COL28A1: variants seen among roughly 807,000 people sequenced by gnomAD.
COL28A1 encodes the protein collagen alpha-1(XXVIII) chain.
A neutral mutation model predicts 150.2 loss-of-function variants in COL28A1; 161 were observed. That is an observed-to-expected ratio of 1.07 (90% CI 0.94 to 1.22). The LOEUF is 1.22. Ranked by LOEUF, COL28A1 falls within the 50% of genes most tolerant of loss-of-function variation. The probability of loss-of-function intolerance (pLI) is 0.00; values close to 1 mark genes in which losing one functional copy is unlikely to be tolerated. For synonymous variants in COL28A1, 552 were observed against 469.7 expected, an observed-to-expected ratio of 1.18 and a Z score of -2.26; for missense variants, 1,617 against 1,388.3, an observed-to-expected ratio of 1.16 and a Z score of -2.62.
chr7:7,518,004 T>C (rs1201992526), intron 6 of COL28A1, among the ~76,000 whole-genome samples, 167 bp from the exon 7 acceptor site: 2 of 141,170 alleles, frequency 1.4e-5, no homozygotes, highest in African/African-American at 2.6e-5. Flanking sequence ...AAAAAAAAAA[T>C]AGCAACTCAG....
downstream of COL28A1, among the ~76,000 whole-genome samples, chr7:7,354,612 G>A (rs11972168): frequency 0.1 from 15,626 of 151,864 alleles, 2,739 homozygotes; most frequent in African/African-American, 0.36. Flanking sequence ...ATTCTCTTCT[G>A]CAACTATTGA....
intron 21 of COL28A1, 39 bp from the exon 22 acceptor site, chr7:7,437,501 G>T: frequency 6.2e-7 from 1 of 1,600,888 alleles, no homozygotes; most frequent in African/African-American, 1.3e-5. Flanking sequence ...TTCAAGCAGA[G>T]AAAGCACATA....
intron 4 of COL28A1, among the ~76,000 whole-genome samples, chr7:7,522,996 T>C (rs1781819767): frequency 6.6e-6 from 1 of 152,036 alleles, no homozygotes; most frequent in Non-Finnish European, 1.5e-5. Context: ...CCAAGTTATT[T>C]TGCTTACATA....
intron 4 of COL28A1, among the ~76,000 whole-genome samples, chr7:7,522,601 C>T (rs1174982794): frequency 6.6e-6 from 1 of 152,030 alleles, no homozygotes; most frequent in Non-Finnish European, 1.5e-5. Context: ...CCAGAACATA[C>T]TTAAGAAATG....
intron 13 of COL28A1, among the ~76,000 whole-genome samples, chr7:7,480,510 C>T (rs1003064844): frequency 1.4e-4 from 22 of 151,832 alleles, no homozygotes; most frequent in Non-Finnish European, 2.9e-4. Context: ...AGATTGCAAA[C>T]TAAACCAAAA....
At position 7,392,750 on chromosome 7, in the gene COL28A1, T is replaced by C. The variant is rs201776092; in HGVS notation, c.2137-11138A>G. ...GATCTTCAATCTCTGATATCCTTTCTTCCACTTGATTGATTTGGCTATTGA... is the reference window on the plus strand; with the variant it reads ...GATCTTCAATCTCTGATATCCTTTCCTCCACTTGATTGATTTGGCTATTGA... On this transcript the variant is annotated intron_variant, in intron 27 of 34. Coordinates refer to ENST00000399429, the MANE Select transcript of COL28A1 (RefSeq NM_001037763.3). Among the ~76,000 whole-genome samples the C allele has an allele frequency of 1.2e-4, 18 of 152,318 alleles. No homozygotes were observed. The East Asian group carries it at 3.5e-3, about 29-fold the overall frequency.
chr7:7,449,189 T>C (rs77665547), intron 18 of COL28A1, among the ~76,000 whole-genome samples: 1 of 152,024 alleles, frequency 6.6e-6, no homozygotes, highest in African/African-American at 2.4e-5. Flanking sequence ...AGTTGAATGA[T>C]CATCATAAAA....
At chr7:7,484,812 G>C (rs542306237) in intron 13 of COL28A1, among the ~76,000 whole-genome samples, 9 of 152,284 alleles carry the variant, frequency 5.9e-5, no homozygotes, top group African/African-American at 2.2e-4. Flanking sequence ...AAGAAAGAAT[G>C]AGATCATGTC....
chr7:7,408,247 T>C (rs1221940060), intron 27 of COL28A1, among the ~76,000 whole-genome samples: 1 of 152,132 alleles, frequency 6.6e-6, no homozygotes, highest in African/African-American at 2.4e-5. Flanking sequence ...GACAAATTGC[T>C]CTGGGGCTAA....
At chr7:7,395,790 T>C (rs1436940768) in intron 27 of COL28A1, among the ~76,000 whole-genome samples, 3 of 152,192 alleles carry the variant, frequency 2.0e-5, no homozygotes. Flanking sequence ...CCAGAATAAA[T>C]AATTTTACCA....
chr7:7,444,527 A>C (rs1281718943), intron 18 of COL28A1, 38 bp from the exon 19 acceptor site: 1 of 1,597,640 alleles, frequency 6.3e-7, no homozygotes, highest in Non-Finnish European at 8.6e-7. Flanking sequence ...CCTAAAGTTC[A>C]TACCTCCATT....
At chr7:7,378,647 T>C (rs1386895184) in intron 30 of COL28A1, among the ~76,000 whole-genome samples, 6 of 152,080 alleles carry the variant, frequency 3.9e-5, no homozygotes, top group Non-Finnish European at 7.4e-5. Context: ...GAGAACAGCT[T>C]TCATGGGGGA....
chr7:7,343,623 T>C, the COL28A1 span, among the ~76,000 whole-genome samples: 13 of 152,242 alleles, frequency 8.5e-5, 1 homozygote, highest in African/African-American at 1.2e-4. Context: ...TATATGTGAG[T>C]ACGTCCATTC....
At chr7:7,359,290 C>A (rs1220600125) in intron 34 of COL28A1, among the ~76,000 whole-genome samples, 16 of 144,952 alleles carry the variant, frequency 1.1e-4, no homozygotes, top group African/African-American at 1.0e-4. Context: ...CTTTAAGTTA[C>A]AAAAAAAAAA....
intron 3 of COL28A1, among the ~76,000 whole-genome samples, chr7:7,527,738 A>G (rs1782110709): frequency 6.6e-6 from 1 of 152,216 alleles, no homozygotes; most frequent in Non-Finnish European, 1.5e-5. Flanking sequence ...TATATATGGC[A>G]TATATTCACA....
At chr7:7,410,638 CT>C (rs960616152) in intron 27 of COL28A1, among the ~76,000 whole-genome samples, 5 of 137,762 alleles carry the variant, frequency 3.6e-5, no homozygotes, top group African/African-American at 1.4e-4. Flanking sequence ...TTGGTTTTGT[CT>C]TCCTTTTTTT....
In COL28A1 at chr7:7,436,410, A is replaced by G. The variant is rs1201909029; in HGVS notation, c.1845T>C (p.Ser615=). 1.4e-6 allele frequency: 2 copies of G among 1,398,922 alleles called. No individual in the cohort carries two copies. The highest frequency in any genetic ancestry group is 1.7e-5 in the Admixed American group (1 of 59,758). The allele number at this position is 1,398,922 out of a possible 1,614,324, so 86.7% of individuals were successfully genotyped here. Residue 615 remains serine (S), a synonymous_variant, in exon 23 of 35, where the codon TCT becomes TCC. Coordinates refer to ENST00000399429, the MANE Select transcript of COL28A1 (RefSeq NM_001037763.3). The stretch of plus-strand genomic sequence containing the variant: ...TAAAGCATACCTTTGGTCCTCGAAT[A>G]GAAAGTCCAGGTTCTCCCTTAAATC... ...IPGFKGEPGL[S]IRGPKGVQGP...
At chr7:7,523,072 CTT>C (rs1781826513) in intron 4 of COL28A1, among the ~76,000 whole-genome samples, 1 of 151,908 alleles carries the variant, frequency 6.6e-6, no homozygotes, top group Non-Finnish European at 1.5e-5. Flanking sequence ...TGTCTAAAAA[CTT>C]ATTTCCACAG....
At chr7:7,393,379 T>A (rs1483433789) in intron 27 of COL28A1, among the ~76,000 whole-genome samples, 1 of 152,182 alleles carries the variant, frequency 6.6e-6, no homozygotes, top group Non-Finnish European at 1.5e-5. Context: ...AGAGCTCTCC[T>A]GTATGAGATG....
Sources: allele counts gnomAD v4.1 joint callset (sites outside exome capture counted in the v4.1 genomes callset), GRCh38; gene constraint gnomAD v4.1.1; transcripts MANE v1.5; gene names NCBI Gene and HGNC (gene_info 2026-07-23, HGNC 2026-07-21).